OLFM3: variants seen among roughly 807,000 people sequenced by gnomAD.
OLFM3 encodes olfactomedin 3, also known as noelin-3.
In OLFM3, 20 loss-of-function variants were observed where a neutral mutation model predicts 48.6. The ratio of observed to expected loss-of-function variants is 0.41; its 90% CI spans 0.29 to 0.60. The LOEUF (loss-of-function observed/expected upper bound fraction) is 0.60, where lower values mean the gene tolerates loss of function less well. Ranked by LOEUF, OLFM3 falls within the 20% of genes least tolerant of loss-of-function variation. OLFM3 has a pLI of 0.28. For synonymous variants in OLFM3, 222 were observed against 198.1 expected (o/e 1.12, Z -1.01); for missense variants, 437 against 544.3 (o/e 0.80, Z 1.96).
chr1:101,886,289 T>C (rs1371540163), intron 1 of OLFM3, among the ~76,000 whole-genome samples: 1 of 151,494 alleles, frequency 6.6e-6, no homozygotes, highest in Non-Finnish European at 1.5e-5. Flanking sequence ...AATAGAAAAG[T>C]GGAAAGACTT....
intron 1 of OLFM3, among the ~76,000 whole-genome samples, chr1:101,956,947 C>T (rs1229664187): frequency 6.6e-6 from 1 of 151,686 alleles, no homozygotes; most frequent in Non-Finnish European, 1.5e-5. Flanking sequence ...ACGAACTCCT[C>T]CAAGATAGAG....
At chr1:101,996,148 T>C (rs1263140533) in intron 1 of OLFM3, among the ~76,000 whole-genome samples, 1 of 152,150 alleles carries the variant, frequency 6.6e-6, no homozygotes, top group Non-Finnish European at 1.5e-5. Flanking sequence ...ACTTCCTCAG[T>C]GCCCCCTAAT....
chr1:101,967,590 G>GAAAAAAAATAAAAAAAA (rs1660650382), intron 1 of OLFM3, among the ~76,000 whole-genome samples: 1 of 44,570 alleles, frequency 2.2e-5, no homozygotes, highest in Non-Finnish European at 3.6e-5. Context: ...CCTAGTCAGT[G>GAAAAAAAATAAAAAAAA]AAAAAAAAAA....
intron 3 of OLFM3, among the ~76,000 whole-genome samples, chr1:101,828,551 A>G (rs1360437150): frequency 6.6e-6 from 1 of 152,192 alleles, no homozygotes; most frequent in East Asian, 1.9e-4. Context: ...TAGGCAATTT[A>G]TAGGACTAGG....
chr1:101,806,079 G>A lies in OLFM3; in HGVS notation c.696C>T (p.Asn232=), dbSNP rs1282432782. The change falls in exon 5 of 6, where the codon AAC becomes AAT. Residue 232 remains asparagine, a synonymous_variant. Transcript: ENST00000370103. The stretch of plus-strand genomic sequence containing the variant: ...GGTGTTTGTGGGAGAAACATACTCT[G>A]TTGTTTTTCTCAGATGCTAAAGGGT... The part of the protein sequence containing the change: ...MTDPLASEKN[N]RVWYMDSYTN... The A allele has an allele frequency of 6.2e-7, 1 of 1,608,712 alleles. No homozygotes were observed. The highest frequency in any genetic ancestry group is 8.5e-7 in the Non-Finnish European group (1 of 1,175,866).
chr1:101,918,563 C>CTTTTTTT lies in OLFM3; in HGVS notation c.69+78178_69+78184dup, dbSNP rs55766537. 7.4e-4 allele frequency among the ~76,000 whole-genome samples: 106 copies of CTTTTTTT among 142,746 alleles called. 6 individuals are homozygous for CTTTTTTT. Among genetic ancestry groups the CTTTTTTT allele is most frequent in the African/African-American group, 1.4e-3 (56 of 38,808 alleles). 93.6% of individuals were successfully genotyped at this position (142,746 alleles called of 152,430 possible). ...TCTCTCACTCTGACTCTCCTTCCTC[C>CTTTTTTT]TTTTTTTTTTTTTAACTTATAAGGT... On this transcript the variant is annotated intron_variant, in intron 1 of 5. Transcript: ENST00000370103.
At chr1:101,922,531 G>T (rs1417724655) in intron 1 of OLFM3, among the ~76,000 whole-genome samples, 3 of 152,106 alleles carry the variant, frequency 2.0e-5, no homozygotes, top group Non-Finnish European at 2.9e-5. Flanking sequence ...CAGGTCAGAT[G>T]TTTCTTTCAT....
chr1:101,995,153 AAAAC>A (rs1661523684), intron 1 of OLFM3, among the ~76,000 whole-genome samples: 1 of 152,122 alleles, frequency 6.6e-6, no homozygotes, highest in South Asian at 2.1e-4. Flanking sequence ...ATTTTAAAGA[AAAAC>A]AAATAAAACT....
chr1:101,883,636 G>A (rs1303927537), intron 1 of OLFM3, among the ~76,000 whole-genome samples: 2 of 151,548 alleles, frequency 1.3e-5, no homozygotes, highest in Non-Finnish European at 2.9e-5. Context: ...TTTCCACCTG[G>A]GAACAATATC....
At chr1:101,812,912 T>C (rs531018470) in intron 4 of OLFM3, 427 of 1,001,872 alleles carry the variant, frequency 4.3e-4, no homozygotes, top group South Asian at 6.8e-4. Flanking sequence ...TAAGCATTTC[T>C]CTGAAATATG....
At chr1:101,986,743 A>G (rs1268086682) in intron 1 of OLFM3, among the ~76,000 whole-genome samples, 2 of 152,140 alleles carry the variant, frequency 1.3e-5, no homozygotes, top group Non-Finnish European at 2.9e-5. Context: ...CCTTTCTTCT[A>G]TTTATTCTTT....
intron 1 of OLFM3, among the ~76,000 whole-genome samples, chr1:101,939,347 G>C (rs1294662136): frequency 6.6e-6 from 1 of 152,018 alleles, no homozygotes; most frequent in African/African-American, 2.4e-5. Flanking sequence ...TTTGAAAGTG[G>C]CTTTTTTTTA....
At chr1:101,946,256 C>A (rs1227628475) in intron 1 of OLFM3, among the ~76,000 whole-genome samples, 1 of 152,142 alleles carries the variant, frequency 6.6e-6, no homozygotes, top group East Asian at 1.9e-4. Context: ...AATTAATTTT[C>A]TCTGCAAATG....
intron 1 of OLFM3, among the ~76,000 whole-genome samples, chr1:101,990,195 T>C (rs1471918227): frequency 2.0e-4 from 31 of 152,214 alleles, no homozygotes. Context: ...ATAATTATGA[T>C]GTAAACTTGT....
intron 1 of OLFM3, among the ~76,000 whole-genome samples, chr1:101,980,651 C>T (rs1406806450): frequency 6.6e-6 from 1 of 152,114 alleles, no homozygotes; most frequent in Non-Finnish European, 1.5e-5. Context: ...AGTCTTGGGT[C>T]TTTCTTCATC....
chr1:101,948,712 G>T (rs1244951287), intron 1 of OLFM3, among the ~76,000 whole-genome samples: 1 of 151,766 alleles, frequency 6.6e-6, no homozygotes, highest in African/African-American at 2.4e-5. Flanking sequence ...AAAAGAACTG[G>T]ATGTCAAAAC....
chr1:101,934,238 TACTC>T (rs1451640428), intron 1 of OLFM3, among the ~76,000 whole-genome samples: 1 of 152,158 alleles, frequency 6.6e-6, no homozygotes, highest in East Asian at 1.9e-4. Flanking sequence ...CATGTGATGA[TACTC>T]ACAGCCTCAA....
intron 1 of OLFM3, among the ~76,000 whole-genome samples, chr1:101,883,318 T>C (rs1657609604): frequency 6.7e-6 from 1 of 150,106 alleles, no homozygotes. Flanking sequence ...TACACACATA[T>C]ATACAATTTA....
At chr1:101,830,089 C>T (rs971223128) in intron 3 of OLFM3, among the ~76,000 whole-genome samples, 1 of 152,016 alleles carries the variant, frequency 6.6e-6, no homozygotes, top group Non-Finnish European at 1.5e-5. Context: ...CTGCCCACCT[C>T]GGCCTCCCAA....
Sources: allele counts gnomAD v4.1 joint callset (sites outside exome capture counted in the v4.1 genomes callset), GRCh38; gene constraint gnomAD v4.1.1; transcripts MANE v1.5; gene names NCBI Gene and HGNC (gene_info 2026-07-23, HGNC 2026-07-21).